The following ATR variants were observed in gnomAD, a reference collection of about 807,000 sequenced individuals.
ATR encodes ATR checkpoint kinase.
A neutral mutation model predicts 305.3 loss-of-function variants in ATR; 142 were observed. The ratio of observed to expected loss-of-function variants is 0.47; its 90% CI spans 0.41 to 0.53. The LOEUF is 0.53. ATR is among the 20% of genes least tolerant of loss of function. The pLI, the probability that ATR is intolerant of heterozygous loss-of-function variation, is 0.00. For missense variants in ATR, 2,135 were observed against 3,133.1 expected, an observed-to-expected ratio of 0.68 and a Z score of 7.60; for synonymous variants, 1,050 against 1,068.1, an observed-to-expected ratio of 0.98 and a Z score of 0.33.
chr3:142,471,497 G>A lies in ATR; in HGVS notation c.6222-1314C>T, dbSNP rs2071265064. ...ACCATTCTACAACTATAGAAGAAGTGGGGACTTTCTTTTCCCCTTCTTATT... is the reference window on the plus strand; with the variant it reads ...ACCATTCTACAACTATAGAAGAAGTAGGGACTTTCTTTTCCCCTTCTTATT... On this transcript the variant is annotated intron_variant, in intron 36 of 46. Coordinates refer to ENST00000350721, the MANE Select transcript of ATR (RefSeq NM_001184.4). Among the ~76,000 whole-genome samples the A allele has an allele frequency of 2.0e-5, 3 of 152,016 alleles. 1 individual carries two copies. In the South Asian group the frequency reaches 6.2e-4, roughly 31 times the overall value.
At chr3:142,473,547 C>CTT (rs761452998) in intron 36 of ATR, among the ~76,000 whole-genome samples, 4 of 137,910 alleles carry the variant, frequency 2.9e-5, no homozygotes, top group Non-Finnish European at 3.2e-5. Context: ...CAGCTTTATT[C>CTT]TTTTTTTTTT....
intron 6 of ATR, among the ~76,000 whole-genome samples, chr3:142,559,796 A>G (rs184245540): frequency 1.1e-3 from 172 of 152,226 alleles, no homozygotes; most frequent in Non-Finnish European, 2.0e-3. Flanking sequence ...TTCCAGCTAC[A>G]TGGGAGGCTC....
Position 142,553,815 on chromosome 3 carries a change from A to G in ATR, c.2532+10T>C. Reference sequence around the variant, plus strand: ...CGTAAACTCAAATGTTAAAAACAAAAATTATCAACCTCCTTTATAAATCCA... The same window carrying G: ...CGTAAACTCAAATGTTAAAAACAAAGATTATCAACCTCCTTTATAAATCCA... On this transcript the variant is annotated intron_variant, in intron 11 of 46. Coordinates refer to ENST00000350721, the MANE Select transcript of ATR (RefSeq NM_001184.4). The G allele has an allele frequency of 6.2e-7, 1 of 1,613,300 alleles. No homozygotes were observed. Among genetic ancestry groups the G allele is most frequent in the Non-Finnish European group, 8.5e-7 (1 of 1,179,470 alleles).
chr3:142,558,883 G>C, intron 7 of ATR, 107 bp from the exon 8 acceptor site: 1 of 1,179,218 alleles, frequency 8.5e-7, no homozygotes, highest in Non-Finnish European at 1.2e-6. Context: ...CATTGGATAA[G>C]CAGAAATTCT....
intron 35 of ATR, among the ~76,000 whole-genome samples, chr3:142,492,770 T>C (rs2031364586): frequency 6.6e-6 from 1 of 152,190 alleles, no homozygotes; most frequent in South Asian, 2.1e-4. Flanking sequence ...CCATGGATTA[T>C]TGAGAGGTAT....
intron 20 of ATR, 148 bp downstream of exon 20, chr3:142,535,960 A>G (rs1183145661): frequency 8.0e-6 from 5 of 624,082 alleles, no homozygotes; most frequent in Non-Finnish European, 1.4e-5. Flanking sequence ...GATTCATGGT[A>G]GCATTATCTA....
At chr3:142,491,483 A>G (rs1340869842) in intron 35 of ATR, among the ~76,000 whole-genome samples, 1 of 152,132 alleles carries the variant, frequency 6.6e-6, no homozygotes, top group Non-Finnish European at 1.5e-5. Flanking sequence ...AATATTTGCT[A>G]TCAAATTCTG....
chr3:142,536,260 G>T, intron 19 of ATR, 59 bp from the exon 20 acceptor site: 1 of 1,271,194 alleles, frequency 7.9e-7, no homozygotes, highest in Non-Finnish European at 1.1e-6. Context: ...CTAAAAAAAT[G>T]TAAAGTAAAA....
chr3:142,488,029 G>T (rs2031052725), intron 35 of ATR, among the ~76,000 whole-genome samples: 1 of 152,198 alleles, frequency 6.6e-6, no homozygotes, highest in South Asian at 2.1e-4. Flanking sequence ...TGAAATTGAT[G>T]ATTTATATCA....
chr3:142,454,101 A>G (rs2070849313), intron 45 of ATR, among the ~76,000 whole-genome samples: 1 of 152,184 alleles, frequency 6.6e-6, no homozygotes, highest in African/African-American at 2.4e-5. Context: ...TGAGACCTTC[A>G]TAATCTAGCC....
rs2108259947 is a variant in ATR, at chr3:142,458,985, A to G, written c.7476T>C (p.His2492=). Residue 2492 remains histidine (H), a synonymous_variant, in exon 44 of 47, where the codon CAT becomes CAC. Coordinates refer to ENST00000350721, the MANE Select transcript of ATR (RefSeq NM_001184.4). ...TATTGAAAAGACAATTGAAATCTAC[A>G]TGTACGCATTCACCAGTCAAAGAAT... ...LFDSLTGECV[H]VDFNCLFNKG... 6.2e-7 allele frequency: 1 copy of G among 1,613,858 alleles called. No individual in the cohort carries two copies. Among genetic ancestry groups the G allele is most frequent in the Non-Finnish European group, 8.5e-7 (1 of 1,179,776 alleles).
chr3:142,505,104 T>C (rs2032170200), intron 29 of ATR, 35 bp downstream of exon 29: 1 of 1,611,944 alleles, frequency 6.2e-7, no homozygotes, highest in African/African-American at 1.3e-5. Flanking sequence ...TTCAGGGCTA[T>C]TTTCATTACA....
chr3:142,477,460 T>C (rs1351818064), intron 36 of ATR, among the ~76,000 whole-genome samples: 1 of 152,208 alleles, frequency 6.6e-6, no homozygotes, highest in Non-Finnish European at 1.5e-5. Flanking sequence ...TCATGGTGGA[T>C]AAGCTTTTTG....
At chr3:142,460,598 A>G (rs2071003885) in intron 42 of ATR, among the ~76,000 whole-genome samples, 2 of 152,168 alleles carry the variant, frequency 1.3e-5, no homozygotes, top group Non-Finnish European at 2.9e-5. Flanking sequence ...ACAACTTGAT[A>G]TTGTATCTTT....
intron 34 of ATR, 64 bp downstream of exon 34, chr3:142,496,297 T>TACACATATATATATAC (rs2031613470): frequency 8.4e-6 from 1 of 118,476 alleles, no homozygotes; most frequent in African/African-American, 6.4e-5. Context: ...TATATATATA[T>TACACATATATATATAC]ATATATATAT....
intron 29 of ATR, among the ~76,000 whole-genome samples, chr3:142,504,065 A>G (rs184719233): frequency 3.9e-5 from 6 of 152,370 alleles, no homozygotes; most frequent in Admixed American, 1.3e-4. Context: ...AAGAATTTAT[A>G]TATTGTGCTT....
chr3:142,495,470 C>G (rs7431811), intron 34 of ATR, among the ~76,000 whole-genome samples: 3 of 152,018 alleles, frequency 2.0e-5, no homozygotes, highest in South Asian at 4.1e-4. Flanking sequence ...ATTGGCCAGG[C>G]GCGGTGGCTC....
In ATR at chr3:142,468,003, T is replaced by C; in HGVS notation, c.6618A>G (p.Lys2206=). 2 of 1,613,066 alleles carry C rather than the reference T, an allele frequency of 1.2e-6. No homozygotes were observed. Among genetic ancestry groups the C allele is most frequent in the Non-Finnish European group, 1.7e-6 (2 of 1,179,470 alleles). The change falls in exon 39 of 47, where the codon AAA becomes AAG. Residue 2206 remains lysine, a synonymous_variant. Coordinates refer to ENST00000350721, the MANE Select transcript of ATR (RefSeq NM_001184.4). The part of the protein sequence containing the change: ...EILNKAIHMK[K]SLEKFVGDAT... ...CATCTCCAACAAACTTCTCTAAGGA[T>C]TTTTTCATATGAATAGCTTTATTGA...
rs781731121 is a variant in ATR at position 142,485,177 on chromosome 3, C to A, written c.6184G>T (p.Gly2062Cys). Reference protein sequence around the residue: ...MVTDNKMEKQGDLIRYIVLHF... With the variant: ...MVTDNKMEKQCDLIRYIVLHF... Reference sequence around the variant, plus strand: ...AGAACTATATACCGGATGAGATCACCTTGCTTTTCCATTTTGTTGTCTGTG... The same window carrying A: ...AGAACTATATACCGGATGAGATCACATTGCTTTTCCATTTTGTTGTCTGTG... Residue 2062 changes from glycine (G) to cysteine (C), a missense_variant, in exon 36 of 47, where the codon GGT becomes TGT. Transcript: ENST00000350721. 6.2e-6 allele frequency: 10 copies of A among 1,614,050 alleles called. No homozygotes were observed. In the South Asian group the frequency reaches 1.1e-4, roughly 18 times the overall value.
Sources: gnomAD v4.1 joint callset for allele counts (sites outside exome capture counted in the v4.1 genomes callset) on GRCh38, gnomAD v4.1.1 for gene constraint, MANE v1.5 for transcripts, NCBI Gene and HGNC (gene_info 2026-07-23, HGNC 2026-07-21) for gene names.